STRN: variants seen among roughly 807,000 people sequenced by gnomAD.
The protein encoded by STRN is striatin, also known as protein phosphatase 2 regulatory subunit B'''alpha.
STRN carries 53 observed loss-of-function variants against 96.3 expected under a neutral mutation model. That is an observed-to-expected ratio of 0.55 (90% confidence interval 0.44 to 0.69). STRN has a LOEUF of 0.69. STRN is among the 30% of genes least tolerant of loss of function. The pLI is 0.00. For synonymous variants in STRN, 428 were observed against 355.9 expected (o/e 1.20, Z -2.28); for missense variants, 987 against 963.9 (o/e 1.02, Z -0.32).
At chr2:36,954,892 G>A (rs1664846869) in intron 1 of STRN, among the ~76,000 whole-genome samples, 1 of 152,096 alleles carries the variant, frequency 6.6e-6, no homozygotes, top group African/African-American at 2.4e-5. Flanking sequence ...GCCAGCCTCA[G>A]CCTCCCAAAG....
chr2:36,905,398 G>A (rs1473571148), intron 4 of STRN, 142 bp downstream of exon 4: 6 of 691,238 alleles, frequency 8.7e-6, no homozygotes, highest in Admixed American at 5.8e-5. Flanking sequence ...ATATGAAAAA[G>A]GAACAGTAAT....
chr2:36,963,920 C>T (rs1297783185), intron 1 of STRN, among the ~76,000 whole-genome samples: 3 of 151,512 alleles, frequency 2.0e-5, no homozygotes, highest in East Asian at 1.9e-4. Context: ...ACCTGGGAGG[C>T]GGAGGTTGCA....
chr2:36,899,712 G>C, intron 5 of STRN, 54 bp from the exon 6 acceptor site: 1 of 1,480,126 alleles, frequency 6.8e-7, no homozygotes. Flanking sequence ...TTCGACATAA[G>C]AAGTAACCCA....
chr2:36,946,358 T>C (rs901825344), intron 1 of STRN, among the ~76,000 whole-genome samples: 1 of 152,166 alleles, frequency 6.6e-6, no homozygotes, highest in East Asian at 1.9e-4. Context: ...TCCCATGTGT[T>C]GGAAATAACC....
chr2:36,887,306 TAAATAAATAC>T (rs1669264080), intron 7 of STRN, among the ~76,000 whole-genome samples: 1 of 148,318 alleles, frequency 6.7e-6, no homozygotes, highest in African/African-American at 2.5e-5. Context: ...AATAAATAAA[TAAATAAATAC>T]AAAATTAGCC....
At chr2:36,942,062 T>C (rs923006045) in intron 1 of STRN, among the ~76,000 whole-genome samples, 3 of 152,250 alleles carry the variant, frequency 2.0e-5, no homozygotes, top group African/African-American at 7.2e-5. Flanking sequence ...AACACGGCTA[T>C]GTGACCAATG....
Position 36,908,385 on chromosome 2 carries a change from C to T in STRN, c.413-2767G>A, listed in dbSNP as rs115810500. On this transcript the variant is annotated intron_variant, in intron 3 of 17. Transcript: ENST00000263918. ...GGAATGAATTACTGATACAAACATA[C>T]ATAAATCTCAAATGCATTATTCTAA... Among the ~76,000 whole-genome samples, 799 of 152,292 alleles carry T rather than the reference C, an allele frequency of 5.2e-3. 5 individuals carry two copies. Among genetic ancestry groups the T allele is most frequent in the African/African-American group, 0.018 (740 of 41,546 alleles).
Position 36,966,481 on chromosome 2 carries a change from G to A in STRN, c.-18C>T, listed in dbSNP as rs768194303. ...TCGTCCATGGCGGCCGCAGATACCC[G>A]GGGAGCTGCCCCGGCGCCCAGCAGC... On this transcript the variant is annotated 5_prime_UTR_variant, in exon 1 of 18. Coordinates refer to ENST00000263918, the MANE Select transcript of STRN (RefSeq NM_003162.4). The A allele has an allele frequency of 5.6e-6, 8 of 1,424,670 alleles. No homozygotes were observed. In the African/African-American group the frequency reaches 6.0e-5, roughly 11 times the overall value. The allele number at this position is 1,424,670 out of a possible 1,614,324, so 88.3% of individuals were successfully genotyped here. A position where few individuals can be genotyped will look rare whatever the true frequency, so the allele number is the denominator to read the frequency against.
At chr2:36,957,756 T>TG (rs1558670011) in intron 1 of STRN, among the ~76,000 whole-genome samples, 1 of 107,532 alleles carries the variant, frequency 9.3e-6, no homozygotes, top group African/African-American at 3.5e-5. Flanking sequence ...TTTTTTTTTT[T>TG]TTTTTTTTTT....
At chr2:36,937,498 A>AAAAAAC (rs1670734916) in intron 1 of STRN, among the ~76,000 whole-genome samples, 1 of 152,026 alleles carries the variant, frequency 6.6e-6, no homozygotes, top group Non-Finnish European at 1.5e-5. Context: ...CTGAGAATCC[A>AAAAAAC]TGTCTACAAA....
At chr2:36,860,281 G>C (rs1345143072) in intron 13 of STRN, among the ~76,000 whole-genome samples, 1 of 152,206 alleles carries the variant, frequency 6.6e-6, no homozygotes, top group Non-Finnish European at 1.5e-5. Context: ...GCCTAGGACA[G>C]AATGAGGGAC....
chr2:36,924,462 G>A (rs767565964), intron 2 of STRN, among the ~76,000 whole-genome samples: 10 of 150,590 alleles, frequency 6.6e-5, no homozygotes, highest in Non-Finnish European at 1.5e-4. Context: ...GACAGGAAAA[G>A]GAAACACTAT....
chr2:36,906,422 G>A (rs991274810), intron 3 of STRN, among the ~76,000 whole-genome samples: 1 of 151,950 alleles, frequency 6.6e-6, no homozygotes, highest in African/African-American at 2.4e-5. Flanking sequence ...TCGTGCCACT[G>A]TACTCCAGCC....
intron 10 of STRN, among the ~76,000 whole-genome samples, chr2:36,877,654 GC>G (rs1030849567): frequency 1.3e-5 from 2 of 151,202 alleles, no homozygotes; most frequent in African/African-American, 4.9e-5. Context: ...TCCTGCCATA[GC>G]CCCCCTAGTA....
chr2:36,899,525 T>G lies in STRN; in HGVS notation c.793A>C (p.Thr265Pro), dbSNP rs753451796. The stretch of plus-strand genomic sequence containing the variant: ...ATTGTATGAGTTATCTAACTCACTG[T>G]TGAAGTATCAATGACGCTTTTCTCT... ...GREKSVIDTS[T>P]IVRKKALPDS... The change falls in exon 6 of 18, where the codon ACA becomes CCA. Residue 265 changes from threonine to proline, a missense_variant and splice_region_variant. Transcript: ENST00000263918. 1.9e-6 allele frequency: 3 copies of G among 1,611,910 alleles called. No individual in the cohort carries two copies. Among genetic ancestry groups the G allele is most frequent in the African/African-American group, 2.7e-5 (2 of 74,682 alleles).
At chr2:36,895,561 C>G (rs982171065) in intron 6 of STRN, among the ~76,000 whole-genome samples, 4 of 151,912 alleles carry the variant, frequency 2.6e-5, no homozygotes, top group Non-Finnish European at 5.9e-5. Flanking sequence ...TTTATAAATA[C>G]AAACCATATT....
At chr2:36,933,059 TACACAC>T (rs61245812) in intron 1 of STRN, among the ~76,000 whole-genome samples, 7 of 147,966 alleles carry the variant, frequency 4.7e-5, no homozygotes, top group Non-Finnish European at 7.5e-5. Flanking sequence ...TTTTTTAATT[TACACAC>T]ACACACACAC....
chr2:36,941,887 A>C (rs1426170643), intron 1 of STRN, among the ~76,000 whole-genome samples: 1 of 152,068 alleles, frequency 6.6e-6, no homozygotes, highest in Admixed American at 6.6e-5. Context: ...TATTGGTTGT[A>C]TTACAAGTCT....
intron 1 of STRN, among the ~76,000 whole-genome samples, chr2:36,951,924 C>T (rs964911997): frequency 3.3e-5 from 5 of 152,224 alleles, no homozygotes; most frequent in African/African-American, 1.2e-4. Flanking sequence ...AGAGGCAACG[C>T]TGATTCTCAT....
Sources: allele counts gnomAD v4.1 joint callset (sites outside exome capture counted in the v4.1 genomes callset), GRCh38; gene constraint gnomAD v4.1.1; transcripts MANE v1.5; gene names NCBI Gene and HGNC (gene_info 2026-07-23, HGNC 2026-07-21).